ELMO1: variants seen among roughly 807,000 people sequenced by gnomAD.
The protein encoded by ELMO1 is engulfment and cell motility 1.
A neutral mutation model predicts 98.9 loss-of-function variants in ELMO1; 26 were observed. The observed-to-expected ratio is 0.26, with a 90% CI of 0.19 to 0.36. ELMO1 has a LOEUF of 0.36. Ranked by LOEUF, ELMO1 falls within the 10% of genes least tolerant of loss-of-function variation. The probability of loss-of-function intolerance (pLI) is 1.00; values close to 1 mark genes in which losing one functional copy is unlikely to be tolerated. For synonymous variants in ELMO1, 346 were observed against 346.0 expected, an observed-to-expected ratio of 1.00 and a Z score of 0.00; for missense variants, 627 against 935.2, an observed-to-expected ratio of 0.67 and a Z score of 4.30.
chr7:37,111,091 C>T (rs1428003774), intron 14 of ELMO1, among the ~76,000 whole-genome samples: 4 of 152,210 alleles, frequency 2.6e-5, no homozygotes, highest in African/African-American at 9.7e-5. Context: ...TGTCCAGATC[C>T]TCTTTTGTTT....
chr7:36,861,823 A>T (rs1056007438), intron 20 of ELMO1, 87 bp from the exon 21 acceptor site: 1 of 1,305,058 alleles, frequency 7.7e-7, no homozygotes, highest in African/African-American at 1.5e-5. Flanking sequence ...TGACCATGGC[A>T]TAGGGCCAGC....
intron 4 of ELMO1, among the ~76,000 whole-genome samples, chr7:37,312,916 G>T (rs1289975428): frequency 6.6e-6 from 1 of 152,200 alleles, no homozygotes; most frequent in Non-Finnish European, 1.5e-5. Flanking sequence ...ACTCTACTAT[G>T]TTCCAGTGTT....
chr7:37,285,533 G>A (rs1178985945), intron 4 of ELMO1, among the ~76,000 whole-genome samples: 2 of 152,124 alleles, frequency 1.3e-5, no homozygotes, highest in African/African-American at 4.8e-5. Context: ...TGGGACCCTG[G>A]GACACTGTAT....
intron 15 of ELMO1, among the ~76,000 whole-genome samples, chr7:37,020,299 A>G (rs1464301671): frequency 6.6e-6 from 1 of 152,248 alleles, no homozygotes; most frequent in Non-Finnish European, 1.5e-5. Context: ...TAGAACTTAG[A>G]GAGTCTGCCT....
At chr7:37,443,568 G>A (rs1369456108) in intron 1 of ELMO1, among the ~76,000 whole-genome samples, 4 of 152,108 alleles carry the variant, frequency 2.6e-5, no homozygotes, top group African/African-American at 4.8e-5. Flanking sequence ...AATTCTGCTC[G>A]TACCGTACCT....
chr7:37,168,684 TC>T (rs547559230), intron 13 of ELMO1, among the ~76,000 whole-genome samples: 36 of 152,290 alleles, frequency 2.4e-4, no homozygotes, highest in African/African-American at 7.2e-4. Context: ...TGCTGTCTAA[TC>T]GTTCCTCTGG....
chr7:36,956,982 T>C (rs763491698), intron 16 of ELMO1, among the ~76,000 whole-genome samples: 27 of 152,232 alleles, frequency 1.8e-4, no homozygotes, highest in Admixed American at 2.6e-4. Context: ...TTATGTTCCA[T>C]GGTAATGTTG....
intron 17 of ELMO1, among the ~76,000 whole-genome samples, chr7:36,889,366 T>C (rs1805348867): frequency 2.0e-5 from 3 of 152,192 alleles, no homozygotes; most frequent in Admixed American, 2.0e-4. Flanking sequence ...CTACCTAAAA[T>C]GGACTCAGTA....
intron 15 of ELMO1, among the ~76,000 whole-genome samples, chr7:37,054,896 G>C (rs1796314256): frequency 6.6e-6 from 1 of 152,198 alleles, no homozygotes; most frequent in Non-Finnish European, 1.5e-5. Context: ...ATGTGAAACA[G>C]ACAAGCTTCT....
At chr7:37,275,008 A>G (rs1188005383) in intron 4 of ELMO1, among the ~76,000 whole-genome samples, 1 of 152,192 alleles carries the variant, frequency 6.6e-6, no homozygotes, top group Non-Finnish European at 1.5e-5. Flanking sequence ...CACGTTAAAG[A>G]TAAGAAAGCA....
At chr7:37,426,130 C>CTTTTTT (rs1449959643) in intron 1 of ELMO1, among the ~76,000 whole-genome samples, 1 of 134,010 alleles carries the variant, frequency 7.5e-6, no homozygotes, top group Non-Finnish European at 1.6e-5. Context: ...CTCTCTCCCT[C>CTTTTTT]TTTTTTTCTT....
chr7:37,427,350 C>G (rs1053480507), intron 1 of ELMO1, among the ~76,000 whole-genome samples: 2 of 152,210 alleles, frequency 1.3e-5, no homozygotes, highest in African/African-American at 4.8e-5. Context: ...CCATTGCTCT[C>G]CCTCCAGGAA....
intron 1 of ELMO1, among the ~76,000 whole-genome samples, chr7:37,423,584 AAAACAAAC>A (rs60226641): frequency 1.3e-4 from 19 of 150,458 alleles, no homozygotes; most frequent in East Asian, 5.8e-4. Context: ...TGTCTCAAAG[AAAACAAAC>A]AAACAAACAA....
chr7:36,986,238 A>G (rs1791497151), intron 16 of ELMO1: 2 of 985,378 alleles, frequency 2.0e-6, no homozygotes, highest in Non-Finnish European at 1.2e-6. Context: ...GGGCGCCTCC[A>G]TTTCAGGGAA....
At chr7:36,973,286 C>G (rs185267183) in intron 16 of ELMO1, among the ~76,000 whole-genome samples, 257 of 152,306 alleles carry the variant, frequency 1.7e-3, no homozygotes, top group African/African-American at 6.0e-3. Flanking sequence ...TTCTTTTTCT[C>G]CCCTAGCTGG....
chr7:37,234,047 T>C (rs1584850215), intron 7 of ELMO1, among the ~76,000 whole-genome samples: 1 of 152,178 alleles, frequency 6.6e-6, no homozygotes, highest in Non-Finnish European at 1.5e-5. Flanking sequence ...AGCAGAGACT[T>C]AGATACACAG....
chr7:37,113,358 C>A (rs917215154), intron 14 of ELMO1, among the ~76,000 whole-genome samples: 1 of 152,126 alleles, frequency 6.6e-6, no homozygotes, highest in African/African-American at 2.4e-5. Flanking sequence ...GGTTTGCTGG[C>A]TAGTAAGGGT....
At chr7:37,155,340 C>G (rs182456648) in intron 13 of ELMO1, among the ~76,000 whole-genome samples, 1 of 151,840 alleles carries the variant, frequency 6.6e-6, no homozygotes, top group Admixed American at 6.6e-5. Context: ...GTGGGCTAAA[C>G]GCCCTAATTA....
At chr7:36,964,302 G>C (rs1415915616) in intron 16 of ELMO1, among the ~76,000 whole-genome samples, 1 of 152,166 alleles carries the variant, frequency 6.6e-6, no homozygotes, top group Admixed American at 6.5e-5. Context: ...GCTTAGCATA[G>C]CCTACCTTAA....
Sources: allele counts gnomAD v4.1 joint callset (sites outside exome capture counted in the v4.1 genomes callset), GRCh38; gene constraint gnomAD v4.1.1; transcripts MANE v1.5; gene names NCBI Gene and HGNC (gene_info 2026-07-23, HGNC 2026-07-21).